PTPRD: variants seen among roughly 807,000 people sequenced by gnomAD.
PTPRD encodes the protein protein tyrosine phosphatase receptor type D.
PTPRD carries 34 observed loss-of-function variants against 214.5 expected under a neutral mutation model. The observed-to-expected ratio is 0.16, with a 90% CI of 0.12 to 0.21. The LOEUF is 0.21. Ranked by LOEUF, PTPRD falls within the 10% of genes least tolerant of loss-of-function variation. The probability of loss-of-function intolerance (pLI) is 1.00; values close to 1 mark genes in which losing one functional copy is unlikely to be tolerated. For missense variants in PTPRD, 2,545 were observed against 2,398.7 expected (o/e 1.06, Z -1.27); for synonymous variants, 1,128 against 845.7 (o/e 1.33, Z -5.79).
intron 3 of PTPRD, among the ~76,000 whole-genome samples, chr9:10,058,008 T>C (rs920568808): frequency 1.3e-5 from 2 of 152,092 alleles, no homozygotes; most frequent in Admixed American, 6.6e-5. Flanking sequence ...GATGATTGCA[T>C]TTTGTTAAAG....
intron 5 of PTPRD, among the ~76,000 whole-genome samples, chr9:9,783,610 A>G (rs1451692108): frequency 6.6e-6 from 1 of 152,128 alleles, no homozygotes; most frequent in Non-Finnish European, 1.5e-5. Context: ...AATAAAATAC[A>G]GTTGGAGAAA....
intron 5 of PTPRD, among the ~76,000 whole-genome samples, chr9:9,936,992 A>T (rs940497182): frequency 2.6e-5 from 4 of 151,520 alleles, no homozygotes; most frequent in African/African-American, 4.9e-5. Flanking sequence ...ACCAAACCCC[A>T]CATATTCTCA....
intron 8 of PTPRD, among the ~76,000 whole-genome samples, chr9:9,412,397 A>T (rs1471171242): frequency 6.6e-6 from 1 of 152,168 alleles, no homozygotes; most frequent in African/African-American, 2.4e-5. Context: ...TTACATTGCC[A>T]GCACTGCAGC....
At position 8,687,259 on chromosome 9, in the gene PTPRD, G is replaced by A. The variant is rs188175687; in HGVS notation, c.64+46521C>T. 1.4e-4 allele frequency among the ~76,000 whole-genome samples: 21 copies of A among 152,174 alleles called. No homozygotes were observed. The East Asian group carries it at 2.5e-3, about 18-fold the overall frequency. ...CTTATCCTACATTTGGTTTCAAAGC[G>A]CTTTCTTTCAAGATCTCCCAATTTT... On this transcript the variant is annotated intron_variant, in intron 12 of 45. Transcript: ENST00000381196.
At chr9:10,085,409 T>C (rs1040202039) in intron 3 of PTPRD, among the ~76,000 whole-genome samples, 5 of 151,828 alleles carry the variant, frequency 3.3e-5, no homozygotes, top group African/African-American at 9.7e-5. Flanking sequence ...TTTTAAGCAA[T>C]AGGAATAGCT....
At chr9:10,054,332 TGAG>T (rs1248845032) in intron 3 of PTPRD, among the ~76,000 whole-genome samples, 1 of 152,170 alleles carries the variant, frequency 6.6e-6, no homozygotes, top group Non-Finnish European at 1.5e-5. Context: ...CTCTCATTCA[TGAG>T]GACTACATAA....
chr9:9,837,957 C>A (rs1027225674), intron 5 of PTPRD, among the ~76,000 whole-genome samples: 1 of 152,112 alleles, frequency 6.6e-6, no homozygotes, highest in African/African-American at 2.4e-5. Flanking sequence ...TATGATGTTC[C>A]CCTTCCTGTG....
chr9:9,766,890 G>C (rs1382227458), intron 5 of PTPRD, 39 bp from the exon 6 acceptor site: 1 of 152,338 alleles, frequency 6.6e-6, no homozygotes, highest in African/African-American at 2.4e-5. Flanking sequence ...AATATACTTA[G>C]TAAATGCATA....
chr9:10,433,465 T>C (rs926431435), intron 2 of PTPRD, among the ~76,000 whole-genome samples: 2 of 151,962 alleles, frequency 1.3e-5, no homozygotes, highest in African/African-American at 2.4e-5. Flanking sequence ...CAATTTCTGA[T>C]AGGGATATCC....
chr9:9,426,588 G>A (rs183050284), intron 8 of PTPRD, among the ~76,000 whole-genome samples: 17 of 152,278 alleles, frequency 1.1e-4, no homozygotes, highest in African/African-American at 4.1e-4. Flanking sequence ...TTTGAGATCT[G>A]AGAACGGAGA....
chr9:8,364,637 G>A (rs1401803042), intron 39 of PTPRD, among the ~76,000 whole-genome samples: 1 of 146,132 alleles, frequency 6.8e-6, no homozygotes, highest in African/African-American at 2.8e-5. Context: ...ATTTTTAGTG[G>A]CCTGAAGTGG....
intron 8 of PTPRD, among the ~76,000 whole-genome samples, chr9:9,439,273 G>T (rs2086562505): frequency 6.6e-6 from 1 of 151,970 alleles, no homozygotes; most frequent in South Asian, 2.1e-4. Flanking sequence ...TCATTTCTTA[G>T]GGTACAGCAC....
At chr9:8,845,132 G>A (rs1222763977) in intron 11 of PTPRD, among the ~76,000 whole-genome samples, 2 of 150,204 alleles carry the variant, frequency 1.3e-5, no homozygotes, top group Admixed American at 1.3e-4. Flanking sequence ...ACAAGTGAGT[G>A]AGTGAATAAA....
At chr9:10,378,426 T>C (rs1029780631) in intron 2 of PTPRD, among the ~76,000 whole-genome samples, 5 of 152,018 alleles carry the variant, frequency 3.3e-5, no homozygotes, top group African/African-American at 4.8e-5. Flanking sequence ...TGTTTAATTG[T>C]AGTAGTTTTA....
chr9:10,095,040 CA>C (rs2098469446), intron 3 of PTPRD, among the ~76,000 whole-genome samples: 1 of 151,056 alleles, frequency 6.6e-6, no homozygotes, highest in South Asian at 2.1e-4. Context: ...AAGGTGTCAG[CA>C]TAGAATTTTT....
At chr9:9,398,058 G>C (rs2068586942) in intron 8 of PTPRD, among the ~76,000 whole-genome samples, 1 of 151,588 alleles carries the variant, frequency 6.6e-6, no homozygotes, top group South Asian at 2.1e-4. Flanking sequence ...ATTTTCCCTT[G>C]TACACTAGTC....
chr9:10,336,310 T>A (rs1280357894), intron 3 of PTPRD, among the ~76,000 whole-genome samples: 1 of 151,462 alleles, frequency 6.6e-6, no homozygotes, highest in East Asian at 2.0e-4. Context: ...ATCTCAGAAT[T>A]TGGGTGGAAG....
intron 8 of PTPRD, among the ~76,000 whole-genome samples, chr9:9,466,216 G>A (rs2094142273): frequency 1.3e-5 from 2 of 152,064 alleles, no homozygotes; most frequent in Non-Finnish European, 2.9e-5. Flanking sequence ...GGCTGAGGTG[G>A]GAGGATTGCT....
intron 8 of PTPRD, among the ~76,000 whole-genome samples, chr9:9,510,237 A>G (rs916800078): frequency 6.6e-6 from 1 of 151,624 alleles, no homozygotes; most frequent in Non-Finnish European, 1.5e-5. Context: ...ATGATCCTAC[A>G]TTAAAGTCAT....
Sources: gnomAD v4.1 joint callset for allele counts (sites outside exome capture counted in the v4.1 genomes callset) on GRCh38, gnomAD v4.1.1 for gene constraint, MANE v1.5 for transcripts, NCBI Gene and HGNC (gene_info 2026-07-23, HGNC 2026-07-21) for gene names.